The following PRDM11 variants were observed in gnomAD, a reference collection of about 807,000 sequenced individuals.
PRDM11 encodes PR/SET domain 11.
Under a neutral mutation model 97.8 loss-of-function variants are expected in PRDM11, and 20 were observed. That is an observed-to-expected ratio of 0.20 (90% confidence interval 0.14 to 0.30). The LOEUF (loss-of-function observed/expected upper bound fraction) is 0.30, where lower values mean the gene tolerates loss of function less well. Ranked by LOEUF, PRDM11 falls within the 10% of genes least tolerant of loss-of-function variation. The probability of loss-of-function intolerance (pLI) is 1.00; values close to 1 mark genes in which losing one functional copy is unlikely to be tolerated. For missense variants in PRDM11, 1,139 were observed against 1,555.2 expected (o/e 0.73, Z 4.50); for synonymous variants, 599 against 637.7 (o/e 0.94, Z 0.91).
At chr11:45,119,787 C>T (rs1182028758) in intron 1 of PRDM11, among the ~76,000 whole-genome samples, 4 of 152,090 alleles carry the variant, frequency 2.6e-5, no homozygotes, top group African/African-American at 4.8e-5. Context: ...ACCCTAATTA[C>T]TGAAAGATAT....
At chr11:45,145,082 G>T (rs1384315622), upstream of PRDM11, among the ~76,000 whole-genome samples, 1 of 152,070 alleles carries the variant, frequency 6.6e-6, no homozygotes, top group East Asian at 1.9e-4. Context: ...ATAACGATAG[G>T]GTTGTTACTG....
chr11:45,141,025 CA>C (rs1851393428), intron 1 of PRDM11, among the ~76,000 whole-genome samples: 2 of 152,154 alleles, frequency 1.3e-5, no homozygotes, highest in South Asian at 4.1e-4. Context: ...GTACTCCAAT[CA>C]GTGATTTCAA....
chr11:45,173,814 G>A (rs986485757), intron 1 of PRDM11, among the ~76,000 whole-genome samples: 21 of 152,004 alleles, frequency 1.4e-4, no homozygotes, highest in African/African-American at 5.1e-4. Flanking sequence ...GCAAAATCAG[G>A]GACTGGACAG....
intron 1 of PRDM11, among the ~76,000 whole-genome samples, chr11:45,114,469 CAT>C (rs1245357393): frequency 2.0e-5 from 3 of 152,062 alleles, no homozygotes; most frequent in Non-Finnish European, 4.4e-5. Flanking sequence ...TTCCTTAACA[CAT>C]GTCATTAAAG....
chr11:45,094,485 G>GGGGAAGAGGAGAAAAGGCAGGA (rs1185777664), upstream of PRDM11, among the ~76,000 whole-genome samples: 6 of 151,458 alleles, frequency 4.0e-5, no homozygotes, highest in Non-Finnish European at 8.8e-5. Flanking sequence ...GAGTCATGGT[G>GGGGAAGAGGAGAAAAGGCAGGA]GGGAAGAGGA....
upstream of PRDM11, among the ~76,000 whole-genome samples, chr11:45,145,570 C>A (rs916506158): frequency 6.6e-6 from 1 of 152,232 alleles, no homozygotes; most frequent in Non-Finnish European, 1.5e-5. Flanking sequence ...GGGGAAAGCA[C>A]TGGACAGCGC....
At chr11:45,165,674 AT>A (rs1852046514) in intron 1 of PRDM11, among the ~76,000 whole-genome samples, 1 of 152,168 alleles carries the variant, frequency 6.6e-6, no homozygotes, top group African/African-American at 2.4e-5. Flanking sequence ...AGCCCTTCGG[AT>A]TTCCCAGAAA....
At chr11:45,133,174 G>T (rs765992476) in intron 1 of PRDM11, among the ~76,000 whole-genome samples, 1 of 152,144 alleles carries the variant, frequency 6.6e-6, no homozygotes, top group Admixed American at 6.5e-5. Context: ...AGCTCAAAAA[G>T]ATAATCTGTG....
chr11:45,224,986 A>T, intron 7 of PRDM11, 143 bp downstream of exon 7: 2 of 1,504,792 alleles, frequency 1.3e-6, no homozygotes, highest in Non-Finnish European at 8.8e-7. Flanking sequence ...CGTGGGTGGG[A>T]GCCCAGGTCC....
Position 45,227,717 on chromosome 11 carries a change from T to C in PRDM11, c.3092T>C (p.Leu1031Pro), listed in dbSNP as rs775344380. 2.6e-6 allele frequency: 4 copies of C among 1,533,950 alleles called. No individual in the cohort carries two copies. In the South Asian group the frequency reaches 3.6e-5, roughly 14 times the overall value. Reference protein sequence around the residue: ...TFSRDVCREGLDPRGSLLMEW... With the variant: ...TFSRDVCREGPDPRGSLLMEW... ...TCCCGGGATGTCTGTAGGGAAGGGCTGGACCCCCGGGGTAGTCTGTTGATG... is the reference window on the plus strand; with the variant it reads ...TCCCGGGATGTCTGTAGGGAAGGGCCGGACCCCCGGGGTAGTCTGTTGATG... The change falls in exon 8 of 8, where the codon CTG (leucine) becomes CCG (proline). Residue 1031 changes from leucine (L) to proline (P), a missense_variant. This residue lies in a region of PRDM11 where 710 missense variants were observed against 1,044.9 expected (regional missense o/e 0.68). Transcript: ENST00000683152. This position sits in a 1 kb window ranked among gnomAD's most constrained non-coding sequence, Gnocchi z 8.0.
At chr11:45,169,814 C>T (rs551196038) in intron 1 of PRDM11, among the ~76,000 whole-genome samples, 1 of 152,200 alleles carries the variant, frequency 6.6e-6, no homozygotes, top group Admixed American at 6.5e-5. Flanking sequence ...TTTCTGCTGT[C>T]TCTCCCATGA....
At chr11:45,124,359 G>C (rs1356417094) in intron 1 of PRDM11, among the ~76,000 whole-genome samples, 1 of 151,988 alleles carries the variant, frequency 6.6e-6, no homozygotes, top group African/African-American at 2.4e-5. Context: ...AATTGACCTG[G>C]CCAGAACTTC....
intron 1 of PRDM11, among the ~76,000 whole-genome samples, chr11:45,141,049 T>C (rs923760938): frequency 6.6e-6 from 1 of 152,216 alleles, no homozygotes; most frequent in African/African-American, 2.4e-5. Context: ...TCTTTGATTT[T>C]ACCAGTCTGC....
At position 45,190,193 on chromosome 11, in the gene PRDM11, C is replaced by G. The variant is rs944720202; in HGVS notation, c.486+7070C>G. On this transcript the variant is annotated intron_variant, in intron 4 of 7. Coordinates refer to ENST00000683152, the MANE Select transcript of PRDM11 (RefSeq NM_001384648.1). ...ATGGAGTCTCACTCTATCACCCAGG[C>G]TGGAGTGCAGTGGCATGATCTCAGC... Among the ~76,000 whole-genome samples the G allele has an allele frequency of 4.6e-5, 7 of 151,748 alleles. No individual in the cohort carries two copies. The Middle Eastern group carries it at 0.01, about 223-fold the overall frequency.
In PRDM11 at chr11:45,181,863, G is replaced by T; in HGVS notation, c.97G>T (p.Asp33Tyr). The change falls in exon 2 of 8, where the codon GAC (aspartate) becomes TAC (tyrosine). Residue 33 changes from aspartate (D) to tyrosine (Y), a missense_variant. By Grantham distance (160) the Asp-to-Tyr change is radical (BLOSUM62 -3). Transcript: ENST00000683152. ...GACGGAGGTCTGCTCACCACTCCGA[G>T]ACCAGGAGTATGGCCAGCCCTGGTG... ...VKTEVCSPLR[D>Y]QEYGQPCSRR... 1.9e-6 allele frequency: 3 copies of T among 1,613,264 alleles called. No individual in the cohort carries two copies. Among genetic ancestry groups the T allele is most frequent in the South Asian group, 2.2e-5 (2 of 91,026 alleles).
rs1173853673 is a variant in PRDM11, at chr11:45,170,394, G to T, written c.-6-11367G>T. 5.3e-5 allele frequency among the ~76,000 whole-genome samples: 8 copies of T among 152,104 alleles called. No individual in the cohort carries two copies. In the East Asian group the frequency reaches 1.5e-3, roughly 29 times the overall value. On this transcript the variant is annotated intron_variant, in intron 1 of 7. Transcript: ENST00000683152. ...AGAAGGAGTGGTAGCAAGCATCAGG[G>T]AGTTGCAATATTATATAGGGAAGCC...
chr11:45,146,207 G>C (rs1251972241), upstream of PRDM11, among the ~76,000 whole-genome samples: 4 of 152,124 alleles, frequency 2.6e-5, no homozygotes, highest in African/African-American at 7.2e-5. Context: ...AAATGGGACC[G>C]GGAGGGGGCC....
chr11:45,227,134 G>A lies in PRDM11; in HGVS notation c.2509G>A (p.Ala837Thr), dbSNP rs1459492113. ...CATCGGCGAGCAGAACGTCCTCAAC[G>A]CTCTCATCAAGGACTACCTGGAGGT... ...WIIGEQNVLN[A>T]LIKDYLEVVA... is the part of the protein sequence containing the mutation. The change falls in exon 8 of 8, where the codon GCT (alanine) becomes ACT (threonine). Residue 837 changes from alanine to threonine, a missense_variant. Physicochemically the swap from Ala to Thr is moderately conservative, Grantham distance 58 (BLOSUM62 0). Transcript: ENST00000683152. This position sits in a 1 kb window ranked among gnomAD's most constrained non-coding sequence, Gnocchi z 8.0. The A allele has an allele frequency of 6.5e-7, 1 of 1,533,968 alleles. No individual in the cohort carries two copies. Among genetic ancestry groups the A allele is most frequent in the Non-Finnish European group, 8.7e-7 (1 of 1,146,736 alleles).
chr11:45,227,265 C>G lies in PRDM11; in HGVS notation c.2640C>G (p.Leu880=). 1 of 1,533,990 alleles carries G rather than the reference C, an allele frequency of 6.5e-7. No individual in the cohort carries two copies. The highest frequency in any genetic ancestry group is 2.3e-4 in the Middle Eastern group (1 of 4,358). ...TCATGGACTACCAGTCCATCAAGCT[C>G]ATCTACTTCCTGCTGGACGTGATTG... is the stretch of plus-strand genomic sequence containing the variant. ...QFLMDYQSIK[L]IYFLLDVIAV... is the part of the protein sequence containing the mutation. The change falls in exon 8 of 8, where the codon CTC becomes CTG. Residue 880 remains leucine (L), a synonymous_variant. Coordinates refer to ENST00000683152, the MANE Select transcript of PRDM11 (RefSeq NM_001384648.1). The surrounding 1 kb of genome is among the most constrained non-coding windows in gnomAD (Gnocchi z 8.0).
Sources: gnomAD v4.1 joint callset for allele counts (sites outside exome capture counted in the v4.1 genomes callset) on GRCh38, gnomAD v4.1.1 for gene constraint, gnomAD v4.1.1 regional missense constraint, Gnocchi (gnomAD v3.1) non-coding constraint, MANE v1.5 for transcripts, NCBI Gene and HGNC (gene_info 2026-07-23, HGNC 2026-07-21) for gene names.